Variants in MUS81 observed in about 807,000 individuals in gnomAD.
The protein encoded by MUS81 is MUS81 structure-specific endonuclease subunit, also known as structure-specific endonuclease subunit MUS81.
Under a neutral mutation model 74.2 loss-of-function variants are expected in MUS81, and 69 were observed. The ratio of observed to expected loss-of-function variants is 0.93; its 90% confidence interval spans 0.77 to 1.14. The LOEUF (loss-of-function observed/expected upper bound fraction) is 1.14, where lower values mean the gene tolerates loss of function less well. MUS81 is among the 50% of genes most tolerant of loss of function. The pLI is 0.00. For missense variants in MUS81, 711 were observed against 726.5 expected, an observed-to-expected ratio of 0.98 and a Z score of 0.25; for synonymous variants, 303 against 300.6, an observed-to-expected ratio of 1.01 and a Z score of -0.08.
intron 12 of MUS81, 52 bp from the exon 13 acceptor site, chr11:65,864,965 C>T: frequency 6.2e-7 from 1 of 1,606,062 alleles, no homozygotes; most frequent in Non-Finnish European, 8.5e-7. Flanking sequence ...CAGGGGCTGG[C>T]TGGAGTTGTT....
At position 65,863,464 on chromosome 11, in the gene MUS81, C is replaced by T. The variant is rs1213727298; in HGVS notation, c.801C>T (p.Tyr267=). Residue 267 remains tyrosine (Y), a synonymous_variant, in exon 8 of 16, where the codon TAC becomes TAT. Transcript: ENST00000308110. ...QQPLELRPGE[Y]RVLLCVDIGE... Reference sequence around the variant, plus strand: ...CACTGGAGCTGAGGCCTGGAGAGTACAGGGTGCTGTTGTGTGTGGACATTG... The same window carrying T: ...CACTGGAGCTGAGGCCTGGAGAGTATAGGGTGCTGTTGTGTGTGGACATTG... The T allele has an allele frequency of 1.9e-6, 3 of 1,613,964 alleles. No homozygotes were observed. Among genetic ancestry groups the T allele is most frequent in the East Asian group, 4.5e-5 (2 of 44,892 alleles).
At chr11:65,864,967 G>A (rs748658245) in intron 12 of MUS81, 50 bp from the exon 13 acceptor site, 2 of 1,606,562 alleles carry the variant, frequency 1.2e-6, no homozygotes, top group Non-Finnish European at 1.7e-6. Context: ...GGGGCTGGCT[G>A]GAGTTGTTCC....
intron 3 of MUS81, 200 bp downstream of exon 3, chr11:65,861,635 C>G (rs1044694870): frequency 1.8e-5 from 11 of 609,138 alleles, no homozygotes; most frequent in Non-Finnish European, 3.2e-5. Flanking sequence ...ATTCCATGAT[C>G]AAGCTACTTA....
At chr11:65,860,421 C>G, upstream of MUS81, 1 of 512,754 alleles carries the variant, frequency 2.0e-6, no homozygotes, top group South Asian at 1.6e-5. Flanking sequence ...ACCCCGCTCT[C>G]GAATCTGGGG....
At position 65,865,106 on chromosome 11, in the gene MUS81, C is replaced by G. The variant is rs778456096; in HGVS notation, c.1362C>G (p.Leu454=). Residue 454 remains leucine, a synonymous_variant, in exon 13 of 16, where the codon CTC becomes CTG. Transcript: ENST00000308110. ...CTCCAAACCCTCTCTGCTCACTCCT[C>G]ACCTTCAGTGACTTCAACGCAGGAG... is the stretch of plus-strand genomic sequence containing the variant. ...MTSPNPLCSL[L]TFSDFNAGAI... 5.6e-6 allele frequency: 9 copies of G among 1,614,226 alleles called. No homozygotes were observed. The South Asian group carries it at 9.9e-5, about 18-fold the overall frequency.
chr11:65,862,057 G>A lies in MUS81; in HGVS notation c.450+12G>A, dbSNP rs2134726536. The A allele has an allele frequency of 6.2e-7, 1 of 1,605,152 alleles. No individual in the cohort carries two copies. The highest frequency in any genetic ancestry group is 8.5e-7 in the Non-Finnish European group (1 of 1,175,338). On this transcript the variant is annotated intron_variant, in intron 4 of 15. Transcript: ENST00000308110. The stretch of plus-strand genomic sequence containing the variant: ...ACCGGGAGCACCTGGTGAGCACTGG[G>A]CTACACCGGGAGGCGGAACCATGGC...
chr11:65,863,583 C>T lies in MUS81; in HGVS notation c.840-17C>T, dbSNP rs370131519. On this transcript the variant is annotated splice_polypyrimidine_tract_variant and intron_variant, in intron 8 of 15. Coordinates refer to ENST00000308110, the MANE Select transcript of MUS81 (RefSeq NM_025128.5). ...ACTGCCCTGCTCTGATCTAGGCTTC[C>T]CTCCTTGCCACTCCAGGGGCGGGCA... 1.9e-6 allele frequency: 3 copies of T among 1,613,988 alleles called. No individual in the cohort carries two copies. Among genetic ancestry groups the T allele is most frequent in the East Asian group, 2.2e-5 (1 of 44,884 alleles).
intron 14 of MUS81, 52 bp downstream of exon 14, chr11:65,865,375 G>T: frequency 6.5e-7 from 1 of 1,546,328 alleles, no homozygotes; most frequent in Non-Finnish European, 8.8e-7. Context: ...TCCATGCATG[G>T]AATTCACCTT....
Position 65,862,360 on chromosome 11 carries a change from G to A in MUS81, c.519+81G>A, listed in dbSNP as rs1029066333. ...CTGCCTTTTCTTGCAGTGGGCCCAT[G>A]TGTGGCCCATGGCTGGGGACACAGG... On this transcript the variant is annotated intron_variant, in intron 5 of 15. Transcript: ENST00000308110. The A allele has an allele frequency of 3.8e-6, 6 of 1,577,782 alleles. No homozygotes were observed. In the African/African-American group the frequency reaches 5.4e-5, roughly 14 times the overall value.
At chr11:65,861,881 C>G (rs1859619449) in intron 3 of MUS81, 66 bp from the exon 4 acceptor site, 14 of 1,317,702 alleles carry the variant, frequency 1.1e-5, no homozygotes, top group Non-Finnish European at 1.4e-5. Context: ...GCCACAAAGC[C>G]TGCTGGGGAC....
Position 65,860,495 on chromosome 11 carries a change from G to C in MUS81, c.-259G>C, listed in dbSNP as rs1859545571. ...AAGGGCGCGTCTCAAAGGCTGGCTG[G>C]AGTGGAGCCAAGGGAAAAGATCGTT... On this transcript the variant is annotated 5_prime_UTR_variant, in exon 1 of 16. Transcript: ENST00000308110. 4 of 578,806 alleles carry C rather than the reference G, an allele frequency of 6.9e-6. No homozygotes were observed. Among genetic ancestry groups the C allele is most frequent in the Non-Finnish European group, 1.2e-5 (4 of 321,544 alleles). 35.9% of individuals were successfully genotyped at this position (578,806 alleles called of 1,614,324 possible). A position where few individuals can be genotyped will look rare whatever the true frequency, so the allele number is the denominator to read the frequency against.
rs758918012 is a variant in MUS81 at position 65,861,023 on chromosome 11, A to G, written c.186A>G (p.Glu62=). 4 of 1,612,590 alleles carry G rather than the reference A, an allele frequency of 2.5e-6. No homozygotes were observed. The highest frequency in any genetic ancestry group is 2.5e-6 in the Non-Finnish European group (3 of 1,179,892). Residue 62 remains glutamate, a synonymous_variant, in exon 2 of 16, where the codon GAA becomes GAG. Transcript: ENST00000308110. The part of the protein sequence containing the change: ...RYPLPLRSGK[E]AKILQHFGDG... ...CACTGCCGCTGCGCAGCGGGAAGGAAGCTAAGATCCTACAGCACTTCGGAG... is the reference window on the plus strand; with the variant it reads ...CACTGCCGCTGCGCAGCGGGAAGGAGGCTAAGATCCTACAGCACTTCGGAG...
chr11:65,860,105 G>A (rs570637969), upstream of MUS81: 19 of 369,772 alleles, frequency 5.1e-5, no homozygotes, highest in African/African-American at 4.0e-4. Flanking sequence ...CCGGGGATGA[G>A]GATCACCATT....
chr11:65,865,471 A>C (rs1859794271), intron 14 of MUS81, 148 bp downstream of exon 14: 2 of 836,890 alleles, frequency 2.4e-6, no homozygotes, highest in Non-Finnish European at 3.6e-6. Context: ...GTGGAGGTCA[A>C]GTGGGGAGGA....
intron 2 of MUS81, 57 bp from the exon 3 acceptor site, chr11:65,861,293 G>A (rs1407820169): frequency 5.2e-6 from 8 of 1,550,706 alleles, no homozygotes; most frequent in Non-Finnish European, 7.0e-6. Context: ...TTGCATCCCA[G>A]ATCCTCGCAG....
chr11:65,862,196 C>G lies in MUS81; in HGVS notation c.451-15C>G. The G allele has an allele frequency of 6.2e-7, 1 of 1,613,188 alleles. No individual in the cohort carries two copies. Among genetic ancestry groups the G allele is most frequent in the Non-Finnish European group, 8.5e-7 (1 of 1,179,846 alleles). ...TGGCACTGAGCCTACCCTGTCTTTT[C>G]TACCTTGGTTTCAGAATCCTAATGG... is the stretch of plus-strand genomic sequence containing the variant. On this transcript the variant is annotated splice_polypyrimidine_tract_variant and intron_variant, in intron 4 of 15. Transcript: ENST00000308110.
downstream of MUS81, chr11:65,867,628 A>G (rs1244590954): frequency 1.0e-5 from 6 of 580,858 alleles, no homozygotes; most frequent in Non-Finnish European, 1.9e-5. Context: ...TGAGATCAAT[A>G]TGGAAAACCA....
upstream of MUS81, chr11:65,860,052 C>T: frequency 3.6e-6 from 1 of 276,942 alleles, no homozygotes; most frequent in East Asian, 8.3e-5. Flanking sequence ...CTTCTCGGCA[C>T]GTCCCCGACT....
In MUS81 at chr11:65,865,797, C is replaced by T; in HGVS notation, c.1506-14C>T. 6.2e-7 allele frequency: 1 copy of T among 1,613,074 alleles called. No individual in the cohort carries two copies. Among genetic ancestry groups the T allele is most frequent in the Non-Finnish European group, 8.5e-7 (1 of 1,179,636 alleles). ...CCACTGTCAGCCTCAGAAACTCAAA[C>T]CCCTGCCCCCCAGCCTCCTGGCCGC... On this transcript the variant is annotated splice_polypyrimidine_tract_variant and intron_variant, in intron 14 of 15. Transcript: ENST00000308110.
Sources: gnomAD v4.1 joint callset for allele counts on GRCh38, gnomAD v4.1.1 for gene constraint, MANE v1.5 for transcripts, NCBI Gene and HGNC (gene_info 2026-07-23, HGNC 2026-07-21) for gene names.